The following COL27A1 variants were observed in gnomAD, a reference collection of about 807,000 sequenced individuals.
The protein encoded by COL27A1 is collagen alpha-1(XXVII) chain.
In COL27A1, 106 loss-of-function variants were observed where a neutral mutation model predicts 251.3. The ratio of observed to expected loss-of-function variants is 0.42; its 90% CI spans 0.36 to 0.50. The LOEUF (loss-of-function observed/expected upper bound fraction) is 0.50. Ranked by LOEUF, COL27A1 falls within the 20% of genes least tolerant of loss-of-function variation. COL27A1 has a pLI of 0.00. For synonymous variants in COL27A1, 1,000 were observed against 986.3 expected, an observed-to-expected ratio of 1.01 and a Z score of -0.26; for missense variants, 2,325 against 2,522.8, an observed-to-expected ratio of 0.92 and a Z score of 1.68.
chr9:114,219,781 T>C lies in COL27A1; in HGVS notation c.2368-10T>C, dbSNP rs758623319. 10 of 1,599,530 alleles carry C rather than the reference T, an allele frequency of 6.3e-6. No individual in the cohort carries two copies. Among genetic ancestry groups the C allele is most frequent in the Non-Finnish European group, 8.6e-6 (10 of 1,166,840 alleles). On this transcript the variant is annotated splice_polypyrimidine_tract_variant and intron_variant, in intron 12 of 60. Transcript: ENST00000356083. ...ACCTACAGATGTTTGTTCTCTCTCA[T>C]GCCCTCCAGGGGTTTCCTGGAGTCT... is the stretch of plus-strand genomic sequence containing the variant.
chr9:114,272,822 C>T (rs1835234324), intron 36 of COL27A1: 2 of 152,020 alleles, frequency 1.3e-5, no homozygotes, highest in Non-Finnish European at 2.9e-5. Flanking sequence ...CAGCATAACC[C>T]GAGGGTTGAG....
chr9:114,161,299 G>A (rs1209039846), intron 1 of COL27A1, among the ~76,000 whole-genome samples: 2 of 152,030 alleles, frequency 1.3e-5, no homozygotes, highest in African/African-American at 4.8e-5. Flanking sequence ...ACCTCTTATT[G>A]GCCTCATTTG....
At position 114,168,273 on chromosome 9, in the gene COL27A1, G is replaced by C. The variant is rs1217341287; in HGVS notation, c.718G>C (p.Asp240His). 16 of 1,613,778 alleles carry C rather than the reference G, an allele frequency of 9.9e-6. No homozygotes were observed. Among genetic ancestry groups the C allele is most frequent in the Non-Finnish European group, 1.4e-5 (16 of 1,180,014 alleles). Residue 240 changes from aspartate (D) to histidine (H), a missense_variant, in exon 3 of 61, where the codon GAC (aspartate) becomes CAC (histidine). By Grantham distance (81) the Asp-to-His change is moderately conservative. Coordinates refer to ENST00000356083, the MANE Select transcript of COL27A1 (RefSeq NM_032888.4). ...CCTGAGGAAGCAGTGTGGACAGGCT[G>C]ACACGTACCAGTCCCCACTGGGACC... The part of the protein sequence containing the change: ...THLRKQCGQA[D>H]TYQSPLGPLF...
chr9:114,272,483 G>A (rs2135644024), intron 36 of COL27A1: 1 of 152,258 alleles, frequency 6.6e-6, no homozygotes, highest in South Asian at 2.1e-4. Context: ...TGAATCCCAG[G>A]AGAGACCCAT....
In COL27A1 at chr9:114,301,731, T is replaced by A. The variant is rs1315011884; in HGVS notation, c.4845+14T>A. On this transcript the variant is annotated intron_variant, in intron 55 of 60. Coordinates refer to ENST00000356083, the MANE Select transcript of COL27A1 (RefSeq NM_032888.4). ...CCCGGCCCCCCGGTAGGTAACTGAG[T>A]GCTGGGTGCATCTTGGACTCCTGGG... The A allele has an allele frequency of 6.2e-7, 1 of 1,611,592 alleles. No individual in the cohort carries two copies. Among genetic ancestry groups the A allele is most frequent in the East Asian group, 2.2e-5 (1 of 44,860 alleles).
In COL27A1 at chr9:114,167,676, C is replaced by A; in HGVS notation, c.134-13C>A. The stretch of plus-strand genomic sequence containing the variant: ...CCCTGACTGCGTCCTCTCCCCTTTT[C>A]CCTCCCTCTCAGATGTGGACATCCT... On this transcript the variant is annotated splice_polypyrimidine_tract_variant and intron_variant, in intron 2 of 60. Coordinates refer to ENST00000356083, the MANE Select transcript of COL27A1 (RefSeq NM_032888.4). The A allele has an allele frequency of 6.3e-7, 1 of 1,597,868 alleles. No individual in the cohort carries two copies. Among genetic ancestry groups the A allele is most frequent in the Non-Finnish European group, 8.5e-7 (1 of 1,169,722 alleles).
At position 114,169,375 on chromosome 9, in the gene COL27A1, G is replaced by A. The variant is rs1849148391; in HGVS notation, c.1820G>A (p.Ser607Asn). The A allele has an allele frequency of 3.1e-6, 5 of 1,611,320 alleles. No individual in the cohort carries two copies. The highest frequency in any genetic ancestry group is 4.2e-6 in the Non-Finnish European group (5 of 1,179,280). Residue 607 changes from serine (S) to asparagine (N), a missense_variant, in exon 3 of 61, where the codon AGT becomes AAT. Physicochemically the swap from Ser to Asn is conservative, Grantham distance 46 (BLOSUM62 1). Around this residue, in one of 4 missense-constraint regions of COL27A1, gnomAD observed 1,183 missense variants for 1,144.1 expected, o/e 1.03. Coordinates refer to ENST00000356083, the MANE Select transcript of COL27A1 (RefSeq NM_032888.4). Reference sequence around the variant, plus strand: ...TCCTCCAGCCCCCGGCCCACGAGCAGTGGCTATTCGATCTTCCACCTGGCA... The same window carrying A: ...TCCTCCAGCCCCCGGCCCACGAGCAATGGCTATTCGATCTTCCACCTGGCA... The part of the protein sequence containing the change: ...FLSSSPRPTS[S>N]GYSIFHLAGS...
At chr9:114,184,664 G>A (rs1223198625) in intron 5 of COL27A1, among the ~76,000 whole-genome samples, 3 of 152,198 alleles carry the variant, frequency 2.0e-5, no homozygotes, top group Non-Finnish European at 4.4e-5. Flanking sequence ...TGTGTGCCAG[G>A]CACTGTTCAT....
At chr9:114,162,528 G>A (rs554599343) in intron 1 of COL27A1, among the ~76,000 whole-genome samples, 187 bp from the exon 2 acceptor site, 13 of 152,248 alleles carry the variant, frequency 8.5e-5, no homozygotes, top group African/African-American at 3.1e-4. Context: ...GAGAGGCTGT[G>A]CCTGGAGGCC....
At position 114,307,738 on chromosome 9, in the gene COL27A1, A is replaced by T. The variant is rs200848931; in HGVS notation, c.5177A>T (p.His1726Leu). 1 of 1,614,078 alleles carries T rather than the reference A, an allele frequency of 6.2e-7. No homozygotes were observed. Among genetic ancestry groups the T allele is most frequent in the Non-Finnish European group, 8.5e-7 (1 of 1,179,988 alleles). Residue 1726 changes from histidine (H) to leucine (L), a missense_variant, in exon 59 of 61, where the codon CAT becomes CTT. Around this residue, in one of 4 missense-constraint regions of COL27A1, gnomAD observed 327 missense variants for 442.8 expected, o/e 0.74. Coordinates refer to ENST00000356083, the MANE Select transcript of COL27A1 (RefSeq NM_032888.4). ...ATCGAGGTCTCCTGCAACTTCACTC[A>T]TGGTGGACAGACGTGTCTCAAGCCC... ...DTIEVSCNFT[H>L]GGQTCLKPIT... is the part of the protein sequence containing the mutation.
At chr9:114,255,083 T>C (rs1340463139) in intron 27 of COL27A1, among the ~76,000 whole-genome samples, 4 of 152,162 alleles carry the variant, frequency 2.6e-5, no homozygotes, top group Non-Finnish European at 4.4e-5. Context: ...AGGAGCACAG[T>C]TGGAAGCAGA....
intron 21 of COL27A1, 48 bp from the exon 22 acceptor site, chr9:114,242,139 C>G (rs1480771178): frequency 1.3e-6 from 2 of 1,515,800 alleles, no homozygotes; most frequent in Non-Finnish European, 1.8e-6. Context: ...GCAAGTCCAA[C>G]TGGATTAACT....
At chr9:114,223,751 G>A (rs889481092) in intron 14 of COL27A1, among the ~76,000 whole-genome samples, 1 of 152,148 alleles carries the variant, frequency 6.6e-6, no homozygotes, top group Admixed American at 6.5e-5. Flanking sequence ...ACCACCCTAT[G>A]CCTCGGTTTC....
Position 114,290,927 on chromosome 9 carries a change from C to G in COL27A1, c.4476+10C>G, listed in dbSNP as rs1266844221. The G allele has an allele frequency of 6.5e-7, 1 of 1,538,778 alleles. No individual in the cohort carries two copies. Among genetic ancestry groups the G allele is most frequent in the Non-Finnish European group, 8.8e-7 (1 of 1,136,098 alleles). ...ACCCCCAGGATTCAAGGTCAGATAC[C>G]TCTTAATACACTTACCCACCCTCTG... is the stretch of plus-strand genomic sequence containing the variant. On this transcript the variant is annotated intron_variant, in intron 48 of 60. Coordinates refer to ENST00000356083, the MANE Select transcript of COL27A1 (RefSeq NM_032888.4). The surrounding 1 kb of genome is among the most constrained non-coding windows in gnomAD (Gnocchi z 4.6).
intron 16 of COL27A1, among the ~76,000 whole-genome samples, chr9:114,234,056 T>G (rs1832167863): frequency 6.6e-6 from 1 of 152,062 alleles, no homozygotes; most frequent in East Asian, 1.9e-4. Context: ...CTTGGCTCCC[T>G]CTCTCAGCCT....
At position 114,301,279 on chromosome 9, in the gene COL27A1, T is replaced by C. The variant is rs1052954361; in HGVS notation, c.4756-5T>C. The stretch of plus-strand genomic sequence containing the variant: ...CCTGTCTCACTGGGCCGTGGTTTGT[T>C]GCAGGGTCCGAAGGGTGACAAAGGC... On this transcript the variant is annotated splice_polypyrimidine_tract_variant and splice_region_variant and intron_variant, in intron 52 of 60. Transcript: ENST00000356083. 1 of 1,609,334 alleles carries C rather than the reference T, an allele frequency of 6.2e-7. No individual in the cohort carries two copies. Among genetic ancestry groups the C allele is most frequent in the Non-Finnish European group, 8.5e-7 (1 of 1,178,166 alleles).
intron 18 of COL27A1, among the ~76,000 whole-genome samples, chr9:114,237,398 C>T (rs1410822976): frequency 6.6e-6 from 1 of 152,194 alleles, no homozygotes; most frequent in Non-Finnish European, 1.5e-5. Flanking sequence ...TGCCAACTAC[C>T]CCAGGAGTGA....
At chr9:114,285,669 A>G (rs1219659449) in intron 41 of COL27A1, among the ~76,000 whole-genome samples, 2 of 152,148 alleles carry the variant, frequency 1.3e-5, no homozygotes, top group Non-Finnish European at 2.9e-5. Context: ...CAGCTCAGCC[A>G]TGGTAGACGG....
chr9:114,182,189 T>TAATAATAATAATAATAAA (rs1554792781), intron 4 of COL27A1, among the ~76,000 whole-genome samples: 1 of 139,056 alleles, frequency 7.2e-6, no homozygotes, highest in African/African-American at 2.6e-5. Flanking sequence ...ATAATAATAA[T>TAATAATAATAATAATAAA]AAAATAATAA....
Sources: gnomAD v4.1 joint callset for allele counts (sites outside exome capture counted in the v4.1 genomes callset) on GRCh38, gnomAD v4.1.1 for gene constraint, gnomAD v4.1.1 regional missense constraint, Gnocchi (gnomAD v3.1) non-coding constraint, MANE v1.5 for transcripts, NCBI Gene and HGNC (gene_info 2026-07-23, HGNC 2026-07-21) for gene names.